Variants in PKD1L3 observed in about 807,000 individuals in gnomAD.
The protein encoded by PKD1L3 is polycystin-1-like protein 3.
A neutral mutation model predicts 184.1 loss-of-function variants in PKD1L3; 239 were observed. The observed-to-expected ratio is 1.30, with a 90% CI of 1.17 to 1.45. The LOEUF is 1.45. Among genes scored for constraint, PKD1L3 ranks in the 40% most tolerant of loss-of-function variants. The probability of loss-of-function intolerance (pLI) is 0.00; values close to 1 mark genes in which losing one functional copy is unlikely to be tolerated. For synonymous variants in PKD1L3, 996 were observed against 778.8 expected (o/e 1.28, Z -4.64); for missense variants, 2,660 against 2,067.2 (o/e 1.29, Z -5.56).
In PKD1L3 at chr16:71,942,934, G is replaced by A. The variant is rs1292077839; in HGVS notation, c.3950C>T (p.Thr1317Ile). ...GATTTCCGAGAACTGGTGCGAAAAT[G>A]TCTTCCAGATAGCTTGGTGGAGGTA... ...RFYLHQAIWK[T>I]FSHQFSEIKL... is the part of the protein sequence containing the mutation. The change falls in exon 24 of 30, where the codon ACA (threonine) becomes ATA (isoleucine). Residue 1317 changes from threonine to isoleucine, a missense_variant. Transcript: ENST00000620267. 9.7e-6 allele frequency: 15 copies of A among 1,551,556 alleles called. No homozygotes were observed. Among genetic ancestry groups the A allele is most frequent in the Non-Finnish European group, 1.3e-5 (15 of 1,146,884 alleles).
intron 24 of PKD1L3, among the ~76,000 whole-genome samples, chr16:71,942,107 G>A (rs969797902): frequency 6.6e-6 from 1 of 151,722 alleles, no homozygotes; most frequent in Non-Finnish European, 1.5e-5. Flanking sequence ...TTGAGGTCAG[G>A]AGTTCAAGAC....
At chr16:71,970,870 G>A (rs2143625382) in intron 12 of PKD1L3, among the ~76,000 whole-genome samples, 1 of 152,220 alleles carries the variant, frequency 6.6e-6, no homozygotes, top group African/African-American at 2.4e-5. Flanking sequence ...AGAGGTAGAT[G>A]TATCAACATG....
Position 71,930,421 on chromosome 16 carries a change from G to A in PKD1L3, c.4927-238C>T, listed in dbSNP as rs188471178. On this transcript the variant is annotated intron_variant, in intron 28 of 29. Coordinates refer to ENST00000620267, the MANE Select transcript of PKD1L3 (RefSeq NM_181536.2). ...CTGCAGGGCTTTCACAAGAAAACAG[G>A]TGAGTTGCAGTGGAATTGGAAATGA... 107 of 339,830 alleles carry A rather than the reference G, an allele frequency of 3.1e-4. 1 individual carries two copies. Among genetic ancestry groups the A allele is most frequent in the Admixed American group, 5.1e-4 (11 of 21,586 alleles). The allele number at this position is 339,830 out of a possible 1,614,324, so 21.1% of individuals were successfully genotyped here. A position where few individuals can be genotyped will look rare whatever the true frequency, so the allele number is the denominator to read the frequency against.
At chr16:71,992,051 C>T (rs2040609526) in intron 3 of PKD1L3, among the ~76,000 whole-genome samples, 1 of 152,118 alleles carries the variant, frequency 6.6e-6, no homozygotes. Context: ...GAACTCCTGG[C>T]CTCAAGCAGT....
In PKD1L3 at chr16:71,999,920, C is replaced by T; in HGVS notation, c.59G>A (p.Gly20Glu). 6.4e-7 allele frequency: 1 copy of T among 1,551,094 alleles called. No homozygotes were observed. The highest frequency in any genetic ancestry group is 8.7e-7 in the Non-Finnish European group (1 of 1,146,466). ...TGGTGCTGGGCTGTTTAGCTCACTT[C>T]CTAGAATAATACTTGTTCTGATGTA... The part of the protein sequence containing the change: ...WLYIRTSIIL[G>E]SELNSPAPHG... The change falls in exon 1 of 30, where the codon GGA (glycine) becomes GAA (glutamate). Residue 20 changes from glycine to glutamate, a missense_variant. Gly to Glu is a moderately conservative substitution (Grantham distance 98). Transcript: ENST00000620267.
At chr16:71,945,028 G>A (rs1228106930) in intron 22 of PKD1L3, among the ~76,000 whole-genome samples, 2 of 150,274 alleles carry the variant, frequency 1.3e-5, no homozygotes, top group Admixed American at 6.7e-5. Flanking sequence ...TACAAGCCCT[G>A]TTTTTGATAA....
In PKD1L3 at chr16:71,935,515, A is replaced by G; in HGVS notation, c.4456T>C (p.Cys1486Arg). ...LVCYYAFIQG[C>R]QLKQQKWRFF... ...CTCCACTTCTGCTGTTTCAGCTGAC[A>G]ACCCTAAACATAGACAGCACAGTCA... The change falls in exon 26 of 30, where the codon TGT (cysteine) becomes CGT (arginine). Residue 1486 changes from cysteine to arginine, a missense_variant. Cys to Arg is a radical substitution (Grantham distance 180). Coordinates refer to ENST00000620267, the MANE Select transcript of PKD1L3 (RefSeq NM_181536.2). The G allele has an allele frequency of 6.4e-7, 1 of 1,552,046 alleles. No individual in the cohort carries two copies. The highest frequency in any genetic ancestry group is 1.7e-4 in the Middle Eastern group (1 of 5,992).
chr16:71,945,374 G>GCA (rs751230268), intron 22 of PKD1L3, among the ~76,000 whole-genome samples: 420 of 25,420 alleles, frequency 0.017, 3 homozygotes, highest in Non-Finnish European at 0.025. Flanking sequence ...ATACACACAC[G>GCA]CACACACACA....
chr16:71,992,780 G>A (rs2040640108), intron 3 of PKD1L3, among the ~76,000 whole-genome samples: 2 of 152,076 alleles, frequency 1.3e-5, no homozygotes, highest in African/African-American at 4.8e-5. Flanking sequence ...ACTTTAAATC[G>A]ATCTGTTTCA....
At chr16:71,943,194 C>T (rs1276106290) in intron 23 of PKD1L3, among the ~76,000 whole-genome samples, 170 bp from the exon 24 acceptor site, 1 of 151,998 alleles carries the variant, frequency 6.6e-6, no homozygotes, top group African/African-American at 2.4e-5. Context: ...TACACATTTC[C>T]TTCCCAGAAT....
intron 3 of PKD1L3, among the ~76,000 whole-genome samples, chr16:71,992,998 T>C (rs1162665965): frequency 6.6e-6 from 1 of 152,242 alleles, no homozygotes; most frequent in Non-Finnish European, 1.5e-5. Context: ...TTGTCTTTTA[T>C]TTGGGAATAT....
At chr16:71,931,557 C>T (rs1306823258) in intron 28 of PKD1L3, among the ~76,000 whole-genome samples, 1 of 151,010 alleles carries the variant, frequency 6.6e-6, no homozygotes, top group Non-Finnish European at 1.5e-5. Flanking sequence ...CTCCACCTCC[C>T]AGGTTCAAGC....
chr16:71,977,606 A>T (rs1365199032), intron 10 of PKD1L3, 139 bp from the exon 11 acceptor site: 2 of 645,828 alleles, frequency 3.1e-6, no homozygotes, highest in African/African-American at 4.1e-5. Context: ...TATGTTGGCC[A>T]CGTTGGTCTT....
intron 2 of PKD1L3, among the ~76,000 whole-genome samples, chr16:71,996,609 T>C (rs1470061381): frequency 6.6e-6 from 1 of 152,146 alleles, no homozygotes; most frequent in Non-Finnish European, 1.5e-5. Context: ...CCCCATGCCC[T>C]TCTTAGACCC....
At chr16:71,980,369 T>C (rs2040102105) in intron 7 of PKD1L3, among the ~76,000 whole-genome samples, 1 of 152,194 alleles carries the variant, frequency 6.6e-6, no homozygotes, top group Non-Finnish European at 1.5e-5. Context: ...TGCCCCATCA[T>C]ATAATTGCCC....
chr16:71,947,751 G>A (rs765738831), intron 21 of PKD1L3, among the ~76,000 whole-genome samples, 160 bp from the exon 22 acceptor site: 1 of 152,056 alleles, frequency 6.6e-6, no homozygotes, highest in Non-Finnish European at 1.5e-5. Flanking sequence ...CACAATGATG[G>A]GTACCAGGAG....
At chr16:71,938,238 C>A (rs2038245736) in intron 24 of PKD1L3, among the ~76,000 whole-genome samples, 1 of 152,236 alleles carries the variant, frequency 6.6e-6, no homozygotes. Flanking sequence ...AAAGTTTTGG[C>A]CAAGCCTGGG....
At chr16:71,937,509 C>T in intron 24 of PKD1L3, 90 bp from the exon 25 acceptor site, 6 of 1,380,196 alleles carry the variant, frequency 4.3e-6, no homozygotes, top group Non-Finnish European at 5.8e-6. Context: ...CCCAACTCTT[C>T]CTGTATCATC....
chr16:71,958,811 G>T (rs2039154206), intron 16 of PKD1L3, among the ~76,000 whole-genome samples: 1 of 142,008 alleles, frequency 7.0e-6, no homozygotes, highest in South Asian at 2.2e-4. Flanking sequence ...AAAAAGTCGG[G>T]CACGGTGGCT....
Sources: gnomAD v4.1 joint callset for allele counts (sites outside exome capture counted in the v4.1 genomes callset) on GRCh38, gnomAD v4.1.1 for gene constraint, MANE v1.5 for transcripts, NCBI Gene and HGNC (gene_info 2026-07-23, HGNC 2026-07-21) for gene names.